Variants in GIGYF1 observed in about 807,000 individuals in gnomAD.
GIGYF1 encodes GRB10 interacting GYF protein 1.
In GIGYF1, 84 loss-of-function variants were observed where a neutral mutation model predicts 147.1. The observed-to-expected ratio is 0.57, with a 90% CI of 0.48 to 0.68. The LOEUF is 0.68. Among genes scored for constraint, GIGYF1 ranks in the 30% least tolerant of loss-of-function variants. The probability of loss-of-function intolerance (pLI) is 0.00; values close to 1 mark genes in which losing one functional copy is unlikely to be tolerated. For synonymous variants in GIGYF1, 752 were observed against 589.5 expected (o/e 1.28, Z -3.99); for missense variants, 1,485 against 1,393.7 (o/e 1.07, Z -1.04).
Position 100,684,989 on chromosome 7 carries a change from G to A in GIGYF1, c.1290+60C>T, listed in dbSNP as rs544600809. The A allele has an allele frequency of 7.7e-6, 12 of 1,560,526 alleles. No individual in the cohort carries two copies. In the East Asian group the frequency reaches 2.1e-4, roughly 27 times the overall value. On this transcript the variant is annotated intron_variant, in intron 14 of 26. Coordinates refer to ENST00000678049, the MANE Select transcript of GIGYF1 (RefSeq NM_001375765.1). The stretch of plus-strand genomic sequence containing the variant: ...GAGCTTGAGCTGGGGCCGGGGCTGG[G>A]GCCAAGCAGGTCAGGTCAGAAGTGG...
chr7:100,682,109 G>T lies in GIGYF1; in HGVS notation c.2888C>A (p.Ala963Asp), dbSNP rs1412607270. Residue 963 changes from alanine to aspartate, a missense_variant, in exon 25 of 27, where the codon GCC becomes GAC. Coordinates refer to ENST00000678049, the MANE Select transcript of GIGYF1 (RefSeq NM_001375765.1). ...EFAKQFLERR[A>D]KQKASQQRQQ... ...CCGCTGCTGGCTGGCTTTCTGCTTG[G>T]CCCTCCGCTCCAGGAATTGTTTGGC... 1.2e-6 allele frequency: 2 copies of T among 1,613,742 alleles called. No homozygotes were observed. The highest frequency in any genetic ancestry group is 1.1e-5 in the South Asian group (1 of 91,088).
At chr7:100,692,637 G>A (rs992290763) in intron 1 of GIGYF1, among the ~76,000 whole-genome samples, 2 of 152,200 alleles carry the variant, frequency 1.3e-5, no homozygotes, top group African/African-American at 4.8e-5. Flanking sequence ...TAACGCATCA[G>A]ATCACGAACA....
At position 100,685,042 on chromosome 7, in the gene GIGYF1, C is replaced by G. The variant is rs1206565042; in HGVS notation, c.1290+7G>C. On this transcript the variant is annotated splice_region_variant and intron_variant, in intron 14 of 26. Transcript: ENST00000678049. ...AGGGTCCCTCCCGCTTTCTCAGGCC[C>G]CCACACCTGCTGCAGGTGCTTCAAG... 6.4e-7 allele frequency: 1 copy of G among 1,563,312 alleles called. No homozygotes were observed. Among genetic ancestry groups the G allele is most frequent in the South Asian group, 1.2e-5 (1 of 85,446 alleles).
rs922695712 is a variant in GIGYF1, at chr7:100,689,548, G to C, written c.-1091C>G. On this transcript the variant is annotated 5_prime_UTR_variant, in exon 2 of 27. Coordinates refer to ENST00000678049, the MANE Select transcript of GIGYF1 (RefSeq NM_001375765.1). ...CTGCAGCTCCCATCAACTCCAGGACGCCACAGTCTGGGAAAGAAGAGGAAG... is the reference window on the plus strand; with the variant it reads ...CTGCAGCTCCCATCAACTCCAGGACCCCACAGTCTGGGAAAGAAGAGGAAG... The C allele has an allele frequency of 6.6e-6, 1 of 152,668 alleles. No homozygotes were observed. Among genetic ancestry groups the C allele is most frequent in the Non-Finnish European group, 1.5e-5 (1 of 68,442 alleles). The allele number at this position is 152,668 out of a possible 1,614,324, so 9.5% of individuals were successfully genotyped here.
At chr7:100,682,289 G>A (rs1215606081) in intron 24 of GIGYF1, 33 bp downstream of exon 24, 1 of 1,608,594 alleles carries the variant, frequency 6.2e-7, no homozygotes, top group Non-Finnish European at 8.5e-7. Context: ...GGAGACCCAG[G>A]TCCCGCCCAC....
intron 6 of GIGYF1, 53 bp from the exon 7 acceptor site, chr7:100,687,669 A>AC: frequency 9.2e-7 from 1 of 1,085,232 alleles, no homozygotes; most frequent in Non-Finnish European, 1.3e-6. Context: ...AACCACCTCC[A>AC]CCCCCACCCC....
intron 9 of GIGYF1, 83 bp from the exon 10 acceptor site, chr7:100,686,902 C>T (rs1805404763): frequency 2.5e-6 from 4 of 1,600,074 alleles, no homozygotes; most frequent in Non-Finnish European, 3.4e-6. Context: ...GGGCCAGCTC[C>T]AGGCCCTCCT....
At position 100,686,956 on chromosome 7, in the gene GIGYF1, C is replaced by A. The variant is rs1159897975; in HGVS notation, c.523+50G>T. 4 of 1,609,208 alleles carry A rather than the reference C, an allele frequency of 2.5e-6. No homozygotes were observed. The African/African-American group carries it at 4.0e-5, about 16-fold the overall frequency. ...ATAAGCACCCCCAGACTGGGCCACC[C>A]ATCTTGGTCCTCCCTGCCGCCCCGG... On this transcript the variant is annotated intron_variant, in intron 9 of 26. Coordinates refer to ENST00000678049, the MANE Select transcript of GIGYF1 (RefSeq NM_001375765.1).
In GIGYF1 at chr7:100,684,061, G is replaced by A. The variant is rs1048213766; in HGVS notation, c.1827C>T (p.Leu609=). The A allele has an allele frequency of 3.1e-6, 5 of 1,606,646 alleles. No individual in the cohort carries two copies. The highest frequency in any genetic ancestry group is 4.2e-6 in the Non-Finnish European group (5 of 1,179,640). ...PPPPQQQQQQ[L]TAFLQQLQAL... ...CCTGGAGCTGCTGCAGGAATGCCGT[G>A]AGCTGCTGCTGCTGCTGCTGTGGCG... The change falls in exon 18 of 27, where the codon CTC becomes CTT. Residue 609 remains leucine (L), a synonymous_variant. Coordinates refer to ENST00000678049, the MANE Select transcript of GIGYF1 (RefSeq NM_001375765.1).
In GIGYF1 at chr7:100,684,772, A is replaced by G. The variant is rs759934247; in HGVS notation, c.1413T>C (p.His471=). ...TGTAGAACCACTTCCGGGCAGCCCC[A>G]TGGCTGAGCGGGAGGGCAGTGGCGG... ...SAAATALPLS[H]GAARKWFYKD... Residue 471 remains histidine, a synonymous_variant, in exon 15 of 27, where the codon CAT becomes CAC. Transcript: ENST00000678049. The G allele has an allele frequency of 3.1e-6, 5 of 1,612,468 alleles. No homozygotes were observed. The highest frequency in any genetic ancestry group is 3.4e-6 in the Non-Finnish European group (4 of 1,179,522).
Position 100,682,421 on chromosome 7 carries a change from G to A in GIGYF1, c.2662C>T (p.Leu888=). The change falls in exon 24 of 27, where the codon CTG becomes TTG. Residue 888 remains leucine (L), a synonymous_variant. Coordinates refer to ENST00000678049, the MANE Select transcript of GIGYF1 (RefSeq NM_001375765.1). Reference sequence around the variant, plus strand: ...GGAATGCCCTGCAGCAGCTTCAGCAGCTTCTCTTCTTCCTCCGTCTTTTTG... The same window carrying A: ...GGAATGCCCTGCAGCAGCTTCAGCAACTTCTCTTCTTCCTCCGTCTTTTTG... ...IRKKTEEEEK[L]LKLLQGIPRP... The A allele has an allele frequency of 5.0e-6, 8 of 1,613,728 alleles. No individual in the cohort carries two copies. The highest frequency in any genetic ancestry group is 6.8e-6 in the Non-Finnish European group (8 of 1,179,990).
Position 100,681,747 on chromosome 7 carries a change from C to A in GIGYF1, c.3080G>T (p.Gly1027Val), listed in dbSNP as rs747790602. The A allele has an allele frequency of 6.3e-7, 1 of 1,582,654 alleles. No homozygotes were observed. The highest frequency in any genetic ancestry group is 8.6e-7 in the Non-Finnish European group (1 of 1,163,868). The change falls in exon 27 of 27, where the codon GGT becomes GTT. Residue 1027 changes from glycine (G) to valine (V), a missense_variant. Coordinates refer to ENST00000678049, the MANE Select transcript of GIGYF1 (RefSeq NM_001375765.1). ...ILGYSLHGSS[G>V]EIESVDDY The stretch of plus-strand genomic sequence containing the variant: ...GTAGTCATCCACGCTCTCGATCTCA[C>A]CAGAAGATCCGTGCAGGGAGTACCC...
rs1805168098 is a variant in GIGYF1, at chr7:100,684,912, GAAGA to G, written c.1291-22_1291-19del. On this transcript the variant is annotated intron_variant, in intron 14 of 26. Transcript: ENST00000678049. ...TCCGCCTCCTGGATGCCCAGAAAAA[GAAGA>G]AAGGCTCAGCTGCCAATCTCAGCAA... is the stretch of plus-strand genomic sequence containing the variant. The G allele has an allele frequency of 2.5e-6, 4 of 1,605,746 alleles. No homozygotes were observed. Among genetic ancestry groups the G allele is most frequent in the Non-Finnish European group, 3.4e-6 (4 of 1,175,756 alleles).
chr7:100,686,534 G>A, intron 10 of GIGYF1, 101 bp from the exon 11 acceptor site: 1 of 1,518,872 alleles, frequency 6.6e-7, no homozygotes, highest in South Asian at 1.3e-5. Flanking sequence ...TGCTGTCCCG[G>A]CCACTCCCAC....
rs758632211 is a variant in GIGYF1, at chr7:100,687,778, C to A, written c.261+10G>T. On this transcript the variant is annotated intron_variant, in intron 6 of 26. Transcript: ENST00000678049. ...GGCTCCCGCAGCCTCAGCTCCTGGC[C>A]CGGTCCCACCTGTTCCTCCTCAGTC... The A allele has an allele frequency of 2.3e-5, 37 of 1,611,370 alleles. No individual in the cohort carries two copies. Among genetic ancestry groups the A allele is most frequent in the Non-Finnish European group, 2.3e-5 (27 of 1,179,646 alleles).
At position 100,683,608 on chromosome 7, in the gene GIGYF1, A is replaced by G; in HGVS notation, c.1994T>C (p.Ile665Thr). 5.0e-6 allele frequency: 8 copies of G among 1,614,200 alleles called. No homozygotes were observed. The highest frequency in any genetic ancestry group is 6.8e-6 in the Non-Finnish European group (8 of 1,180,014). ...QSGGEASLWD[I>T]PINSSTQGPI... The stretch of plus-strand genomic sequence containing the variant: ...ACCCTGAGTCGAAGAGTTAATTGGT[A>G]TGTCCCAAAGACTGGCCTCACCACC... Residue 665 changes from isoleucine (I) to threonine (T), a missense_variant, in exon 20 of 27, where the codon ATA (isoleucine) becomes ACA (threonine). Physicochemically the swap from Ile to Thr is moderately conservative, Grantham distance 89. Transcript: ENST00000678049.
rs1804753280 is a variant in GIGYF1 at position 100,681,511 on chromosome 7, AAAAAT to A, written c.*203_*207del. The A allele has an allele frequency of 2.4e-6, 1 of 423,602 alleles. No homozygotes were observed. The highest frequency in any genetic ancestry group is 4.1e-6 in the Non-Finnish European group (1 of 241,844). 26.2% of individuals were successfully genotyped at this position (423,602 alleles called of 1,614,324 possible). A position where few individuals can be genotyped will look rare whatever the true frequency, so the allele number is the denominator to read the frequency against. On this transcript the variant is annotated 3_prime_UTR_variant, in exon 27 of 27. Transcript: ENST00000678049. ...TCTTCAGTCGTTTAAAATTAAAAAA[AAAAAT>A]AAAAAGAAAAACCCCCTCCCCCAGT... is the stretch of plus-strand genomic sequence containing the variant.
Position 100,687,035 on chromosome 7 carries a change from C to G in GIGYF1, c.494G>C (p.Arg165Pro), listed in dbSNP as rs770936798. 6.2e-7 allele frequency: 1 copy of G among 1,613,878 alleles called. No individual in the cohort carries two copies. Among genetic ancestry groups the G allele is most frequent in the Non-Finnish European group, 8.5e-7 (1 of 1,180,024 alleles). ...SQSWDDRGER[R>P]FEKSARRDGA... ...ATCCCGCCTTGCTGACTTCTCAAAC[C>G]GCCTCTCGCCTCTGCAGCAGGGGAA... The change falls in exon 9 of 27, where the codon CGG becomes CCG. Residue 165 changes from arginine (R) to proline (P), a missense_variant. Transcript: ENST00000678049.
chr7:100,685,079 C>T lies in GIGYF1; in HGVS notation c.1260G>A (p.Glu420=), dbSNP rs762901457. The T allele has an allele frequency of 2.1e-5, 33 of 1,576,144 alleles. No homozygotes were observed. The South Asian group carries it at 3.7e-4, about 18-fold the overall frequency. The change falls in exon 14 of 27, where the codon GAG becomes GAA. Residue 420 remains glutamate, a synonymous_variant. Transcript: ENST00000678049. ...GCAGGTGCTTCAAGCCTTCATCATCCTCCAGATCTCCGGGTGGGCCAGCAG... is the reference window on the plus strand; with the variant it reads ...GCAGGTGCTTCAAGCCTTCATCATCTTCCAGATCTCCGGGTGGGCCAGCAG... The part of the protein sequence containing the change: ...GSSAGPPGDL[E]DDEGLKHLQQ...
Sources: gnomAD v4.1 joint callset for allele counts (sites outside exome capture counted in the v4.1 genomes callset) on GRCh38, gnomAD v4.1.1 for gene constraint, MANE v1.5 for transcripts, NCBI Gene and HGNC (gene_info 2026-07-23, HGNC 2026-07-21) for gene names.